Variants in AXDND1 observed in about 807,000 individuals in gnomAD.
AXDND1 encodes axonemal dynein light chain domain containing 1, also known as axonemal dynein light chain domain-containing protein 1.
A neutral mutation model predicts 137.5 loss-of-function variants in AXDND1; 110 were observed. That is an observed-to-expected ratio of 0.80 (90% CI 0.69 to 0.94). The LOEUF (loss-of-function observed/expected upper bound fraction) is 0.94. AXDND1 is among the 40% of genes least tolerant of loss of function. The pLI, the probability that AXDND1 is intolerant of heterozygous loss-of-function variation, is 0.00. For synonymous variants in AXDND1, 414 were observed against 399.7 expected (o/e 1.04, Z -0.43); for missense variants, 1,191 against 1,169.8 (o/e 1.02, Z -0.26).
chr1:179,408,968 C>CTTTTTTTTTTTTTTTTTT (rs74384865), intron 11 of AXDND1, among the ~76,000 whole-genome samples: 1 of 126,402 alleles, frequency 7.9e-6, no homozygotes, highest in Non-Finnish European at 1.6e-5. Flanking sequence ...TTTTTTCTTT[C>CTTTTTTTTTTTTTTTTTT]TTTTTTTTTT....
chr1:179,434,315 C>T (rs1319656250), intron 15 of AXDND1, among the ~76,000 whole-genome samples: 1 of 152,070 alleles, frequency 6.6e-6, no homozygotes, highest in Non-Finnish European at 1.5e-5. Flanking sequence ...CTATTCCAAA[C>T]AATTGAAAAG....
chr1:179,537,931 G>T (rs146156016), intron 25 of AXDND1, among the ~76,000 whole-genome samples: 1 of 152,270 alleles, frequency 6.6e-6, no homozygotes, highest in Non-Finnish European at 1.5e-5. Context: ...GAGGGTGTAT[G>T]TGTCCAGGAA....
At chr1:179,466,087 C>G (rs968706107) in intron 16 of AXDND1, among the ~76,000 whole-genome samples, 1 of 152,090 alleles carries the variant, frequency 6.6e-6, no homozygotes, top group African/African-American at 2.4e-5. Context: ...GGCAATGCCC[C>G]GCCCTGCTTC....
rs918188634 is a variant in AXDND1, at chr1:179,455,137, T to C, written c.1798+9933T>C. The C allele has an allele frequency of 2.0e-5, 3 of 148,910 alleles. No individual in the cohort carries two copies. In the East Asian group the frequency reaches 5.9e-4, roughly 29 times the overall value. The allele number at this position is 148,910 out of a possible 1,614,324, so 9.2% of individuals were successfully genotyped here. ...AAAAGAAAAAAATTAGCGCTGGTCA[T>C]GGTGGCACATGCCTGTAATCCCCAC... On this transcript the variant is annotated intron_variant, in intron 16 of 25. Transcript: ENST00000367618.
chr1:179,385,275 C>A lies in AXDND1; in HGVS notation c.779C>A (p.Thr260Asn), dbSNP rs1369207767. The change falls in exon 9 of 26, where the codon ACC (threonine) becomes AAC (asparagine). Residue 260 changes from threonine to asparagine, a missense_variant. Coordinates refer to ENST00000367618, the MANE Select transcript of AXDND1 (RefSeq NM_144696.6). ...KLLHILKKEQ[T>N]IYNMIFHELI... is the part of the protein sequence containing the mutation. ...CTACATATATTGAAGAAGGAACAGACCATTTACAACATGATATTTCATGAA... is the reference window on the plus strand; with the variant it reads ...CTACATATATTGAAGAAGGAACAGAACATTTACAACATGATATTTCATGAA... 6.2e-7 allele frequency: 1 copy of A among 1,611,524 alleles called. No homozygotes were observed. Among genetic ancestry groups the A allele is most frequent in the African/African-American group, 1.3e-5 (1 of 74,820 alleles).
chr1:179,438,991 C>G (rs1395365979), intron 15 of AXDND1, among the ~76,000 whole-genome samples: 1 of 151,990 alleles, frequency 6.6e-6, no homozygotes, highest in Admixed American at 6.6e-5. Context: ...GGGCGGCAGA[C>G]TGGGATTGGA....
chr1:179,436,618 C>G (rs974707413), intron 15 of AXDND1, among the ~76,000 whole-genome samples: 2 of 152,128 alleles, frequency 1.3e-5, no homozygotes, highest in African/African-American at 4.8e-5. Context: ...CTTGTTCTCA[C>G]TCATAACTGG....
At chr1:179,501,161 A>C (rs967946197) in intron 20 of AXDND1, among the ~76,000 whole-genome samples, 2 of 152,056 alleles carry the variant, frequency 1.3e-5, no homozygotes, top group South Asian at 4.1e-4. Flanking sequence ...TTTTTTTTTC[A>C]ACTTGACAAA....
At chr1:179,463,414 T>C (rs1053892421) in intron 16 of AXDND1, among the ~76,000 whole-genome samples, 1 of 152,224 alleles carries the variant, frequency 6.6e-6, no homozygotes, top group Non-Finnish European at 1.5e-5. Context: ...TCAGTTTCCA[T>C]GTGGTTGAGC....
At chr1:179,373,775 T>C (rs906136699) in intron 4 of AXDND1, among the ~76,000 whole-genome samples, 5 of 152,204 alleles carry the variant, frequency 3.3e-5, no homozygotes, top group African/African-American at 9.6e-5. Flanking sequence ...GCTAGCCATA[T>C]GTAGAAAGCT....
intron 12 of AXDND1, among the ~76,000 whole-genome samples, chr1:179,426,737 G>A (rs1028247971): frequency 6.6e-6 from 1 of 152,094 alleles, no homozygotes; most frequent in African/African-American, 2.4e-5. Flanking sequence ...GAACACTAAG[G>A]AGCCATTTAA....
chr1:179,520,740 A>G (rs1203902793), intron 21 of AXDND1, among the ~76,000 whole-genome samples: 2 of 151,510 alleles, frequency 1.3e-5, no homozygotes, highest in African/African-American at 2.4e-5. Flanking sequence ...CCTTTAAATC[A>G]TATCTTATTT....
chr1:179,489,126 G>C (rs1235354654), intron 18 of AXDND1, among the ~76,000 whole-genome samples: 1 of 125,702 alleles, frequency 8.0e-6, no homozygotes, highest in Non-Finnish European at 1.7e-5. Context: ...TTTCACAAAA[G>C]AAAAGCAGTC....
intron 4 of AXDND1, among the ~76,000 whole-genome samples, chr1:179,377,972 C>T (rs146629782): frequency 0.016 from 2,471 of 152,188 alleles, 75 homozygotes; most frequent in African/African-American, 0.056. Context: ...AGTTTGAGAC[C>T]AGCGTGGCCA....
At chr1:179,504,173 C>CT (rs1431467973) in intron 20 of AXDND1, among the ~76,000 whole-genome samples, 1 of 152,180 alleles carries the variant, frequency 6.6e-6, no homozygotes, top group Non-Finnish European at 1.5e-5. Flanking sequence ...AATGAAATGT[C>CT]TGAGTTCTCA....
intron 12 of AXDND1, among the ~76,000 whole-genome samples, chr1:179,417,405 C>T (rs915130994): frequency 2.0e-5 from 3 of 152,096 alleles, no homozygotes; most frequent in Admixed American, 6.6e-5. Flanking sequence ...TGAGGTCTTA[C>T]ACGGAAAATC....
At chr1:179,520,381 G>A (rs1481183517) in intron 21 of AXDND1, among the ~76,000 whole-genome samples, 2 of 152,138 alleles carry the variant, frequency 1.3e-5, no homozygotes, top group South Asian at 2.1e-4. Flanking sequence ...GGTAGGACCA[G>A]CCCTCATCAC....
intron 16 of AXDND1, chr1:179,449,830 G>A (rs895550369): frequency 6.6e-6 from 1 of 151,912 alleles, no homozygotes; most frequent in African/African-American, 2.4e-5. Context: ...TATAGAAATA[G>A]AATTGATTTT....
intron 4 of AXDND1, among the ~76,000 whole-genome samples, chr1:179,373,946 G>A (rs1668308997): frequency 1.3e-5 from 2 of 152,138 alleles, no homozygotes; most frequent in Non-Finnish European, 2.9e-5. Context: ...AACACCAAAA[G>A]CAATGGTAAC....
Sources: gnomAD v4.1 joint callset for allele counts (sites outside exome capture counted in the v4.1 genomes callset) on GRCh38, gnomAD v4.1.1 for gene constraint, MANE v1.5 for transcripts, NCBI Gene and HGNC (gene_info 2026-07-23, HGNC 2026-07-21) for gene names.